The following NUMB variants were observed in gnomAD, a reference collection of about 807,000 sequenced individuals.
The protein encoded by NUMB is NUMB endocytic adaptor protein, also known as protein numb homolog.
Under a neutral mutation model 59.7 loss-of-function variants are expected in NUMB, and 29 were observed. That is an observed-to-expected ratio of 0.49 (90% confidence interval 0.36 to 0.66). The LOEUF (loss-of-function observed/expected upper bound fraction) is 0.66, where lower values mean the gene tolerates loss of function less well. Ranked by LOEUF, NUMB falls within the 30% of genes least tolerant of loss-of-function variation. The pLI is 0.00. For missense variants in NUMB, 723 were observed against 822.0 expected (o/e 0.88, Z 1.47); for synonymous variants, 288 against 288.2 (o/e 1.00, Z 0.01).
intron 2 of NUMB, among the ~76,000 whole-genome samples, chr14:73,389,281 AAAAAAAAAAAAACAAAAAC>A (rs1566775165): frequency 1.1e-5 from 1 of 92,474 alleles, no homozygotes; most frequent in African/African-American, 7.6e-5. Context: ...TCAAAAAAAA[AAAAAAAAAAAAACAAAAAC>A]AAAAACACTG....
chr14:73,278,297 G>A (rs1232955594), intron 12 of NUMB, among the ~76,000 whole-genome samples: 1 of 151,934 alleles, frequency 6.6e-6, no homozygotes, highest in East Asian at 2.0e-4. Context: ...CAAGGCGGGT[G>A]GATCACGAGG....
chr14:73,286,738 T>A (rs1177202936), intron 9 of NUMB: 1 of 280,988 alleles, frequency 3.6e-6, no homozygotes, highest in Non-Finnish European at 6.9e-6. Flanking sequence ...TTTGCAGCCT[T>A]AAGCCCTGGG....
At chr14:73,457,433 T>C (rs1354141884) in intron 1 of NUMB, among the ~76,000 whole-genome samples, 1 of 152,216 alleles carries the variant, frequency 6.6e-6, no homozygotes. Context: ...TGAACCTACA[T>C]GGCTCCACTG....
chr14:73,456,859 C>T (rs1202058925), intron 1 of NUMB, among the ~76,000 whole-genome samples: 1 of 152,136 alleles, frequency 6.6e-6, no homozygotes, highest in Non-Finnish European at 1.5e-5. Flanking sequence ...ACTGAAACCC[C>T]CAGGTGGGGC....
intron 1 of NUMB, among the ~76,000 whole-genome samples, chr14:73,422,531 A>C (rs1216344990): frequency 6.6e-6 from 1 of 152,188 alleles, no homozygotes; most frequent in Non-Finnish European, 1.5e-5. Context: ...GAAATTTATA[A>C]AGAAAAGAGG....
chr14:73,413,730 G>T (rs368799326), intron 1 of NUMB, among the ~76,000 whole-genome samples: 12 of 151,796 alleles, frequency 7.9e-5, no homozygotes, highest in Admixed American at 5.3e-4. Context: ...TGCCCAGACC[G>T]TGCCACTGCA....
chr14:73,279,511 T>A, intron 11 of NUMB, 87 bp from the exon 12 acceptor site: 1 of 1,287,966 alleles, frequency 7.8e-7, no homozygotes, highest in Non-Finnish European at 1.1e-6. Flanking sequence ...CAGGTGAATG[T>A]ACAATACTGG....
chr14:73,358,234 A>C (rs1893914323), intron 3 of NUMB, among the ~76,000 whole-genome samples: 1 of 152,208 alleles, frequency 6.6e-6, no homozygotes, highest in Non-Finnish European at 1.5e-5. Context: ...AGTGATACTC[A>C]AGTATTTTAG....
intron 1 of NUMB, among the ~76,000 whole-genome samples, chr14:73,417,976 G>A (rs917717060): frequency 1.3e-4 from 19 of 151,898 alleles, no homozygotes; most frequent in African/African-American, 4.4e-4. Flanking sequence ...ATGGTGGCAT[G>A]CGCCTGTAAT....
chr14:73,313,583 T>C (rs1342330855), intron 6 of NUMB, among the ~76,000 whole-genome samples: 2 of 147,262 alleles, frequency 1.4e-5, no homozygotes, highest in African/African-American at 5.0e-5. Flanking sequence ...ATAAGGCATA[T>C]ATAAAACACA....
chr14:73,427,314 A>C (rs1410380855), intron 1 of NUMB, among the ~76,000 whole-genome samples: 1 of 151,986 alleles, frequency 6.6e-6, no homozygotes, highest in Non-Finnish European at 1.5e-5. Context: ...AAAATACAAA[A>C]ATTAGCCGGG....
intron 3 of NUMB, among the ~76,000 whole-genome samples, chr14:73,361,937 A>G (rs1398218051): frequency 1.3e-5 from 2 of 152,130 alleles, no homozygotes; most frequent in Non-Finnish European, 2.9e-5. Flanking sequence ...GATAAGATGT[A>G]CCACTATTTT....
At chr14:73,405,222 A>G (rs776674665) in intron 2 of NUMB, among the ~76,000 whole-genome samples, 4 of 152,174 alleles carry the variant, frequency 2.6e-5, no homozygotes, top group Non-Finnish European at 4.4e-5. Context: ...AATCAACAGA[A>G]TTCCAACTAT....
intron 2 of NUMB, among the ~76,000 whole-genome samples, chr14:73,382,245 C>A (rs1490367543): frequency 6.6e-6 from 1 of 152,136 alleles, no homozygotes; most frequent in Non-Finnish European, 1.5e-5. Flanking sequence ...CTCCTGGGTT[C>A]GAGTGATTCT....
chr14:73,307,240 C>T (rs1296290538), intron 6 of NUMB, among the ~76,000 whole-genome samples: 3 of 150,602 alleles, frequency 2.0e-5, no homozygotes, highest in Admixed American at 6.6e-5. Context: ...ACCCGGGAGG[C>T]GGAGCTTGCA....
chr14:73,391,430 T>A (rs1439294864), intron 2 of NUMB, among the ~76,000 whole-genome samples: 2 of 151,432 alleles, frequency 1.3e-5, no homozygotes, highest in Non-Finnish European at 2.9e-5. Context: ...AAAGAAAAAA[T>A]CATTTTCAGT....
intron 1 of NUMB, among the ~76,000 whole-genome samples, chr14:73,435,120 A>C (rs772181427): frequency 2.0e-5 from 3 of 152,220 alleles, no homozygotes; most frequent in Admixed American, 6.5e-5. Flanking sequence ...CTAAAATGCC[A>C]CTTTATACTC....
At chr14:73,395,037 T>TTGTGTGTGTGTGTGTGTGTGTGTG (rs3028731) in intron 2 of NUMB, among the ~76,000 whole-genome samples, 5 of 119,916 alleles carry the variant, frequency 4.2e-5, no homozygotes, top group Admixed American at 1.8e-4. Context: ...ATTCGTGTGT[T>TTGTGTGTGTGTGTGTGTGTGTGTG]TGTGTGTGTG....
intron 5 of NUMB, among the ~76,000 whole-genome samples, chr14:73,316,990 AG>A (rs1891116777): frequency 1.3e-5 from 2 of 152,220 alleles, no homozygotes; most frequent in African/African-American, 4.8e-5. Flanking sequence ...AGTGAGTTCA[AG>A]ATGTCACTTA....
Sources: gnomAD v4.1 joint callset for allele counts (sites outside exome capture counted in the v4.1 genomes callset) on GRCh38, gnomAD v4.1.1 for gene constraint, MANE v1.5 for transcripts, NCBI Gene and HGNC (gene_info 2026-07-23, HGNC 2026-07-21) for gene names.